CDK14: variants seen among roughly 807,000 people sequenced by gnomAD.
CDK14 encodes the protein cyclin-dependent kinase 14.
Under a neutral mutation model 60.7 loss-of-function variants are expected in CDK14, and 34 were observed. That is an observed-to-expected ratio of 0.56 (90% confidence interval 0.43 to 0.75). The LOEUF is 0.75. CDK14 is among the 30% of genes least tolerant of loss of function. CDK14 has a pLI of 0.00. For synonymous variants in CDK14, 197 were observed against 203.7 expected (o/e 0.97, Z 0.28); for missense variants, 482 against 564.1 (o/e 0.85, Z 1.47).
chr7:91,053,575 A>G lies in CDK14; in HGVS notation c.1105+7615A>G, dbSNP rs535031406. ...TCCGCCCTTTAAACCTATGCCTCCA[A>G]TAAATCATCAGCTCCAAAATCTCCT... On this transcript the variant is annotated intron_variant, in intron 11 of 14. Transcript: ENST00000380050. Among the ~76,000 whole-genome samples the G allele has an allele frequency of 5.3e-4, 80 of 152,316 alleles. 1 individual carries two copies. The highest frequency in any genetic ancestry group is 4.6e-3 in the Admixed American group (70 of 15,300).
chr7:91,159,722 C>T (rs556045236), intron 14 of CDK14, among the ~76,000 whole-genome samples: 2 of 152,248 alleles, frequency 1.3e-5, no homozygotes, highest in South Asian at 2.1e-4. Context: ...TGCATGACAA[C>T]CAAGAGTCCG....
At chr7:90,649,260 CTTTCTTTCTTTCTTTCTTT>C (rs1800539637) in intron 2 of CDK14, among the ~76,000 whole-genome samples, 1 of 42,914 alleles carries the variant, frequency 2.3e-5, no homozygotes, top group South Asian at 1.0e-3. Context: ...TTCTTTCTTT[CTTTCTTTCTTTCTTTCTTT>C]CTTTCTTTCT....
Position 90,908,557 on chromosome 7 carries a change from T to TGCTTTACACCTTGCTTTA in CDK14, c.703-9044_703-9043insGCTTTACACCTTGCTTTA, listed in dbSNP as rs1418988010. On this transcript the variant is annotated intron_variant, in intron 7 of 14. Coordinates refer to ENST00000380050, the MANE Select transcript of CDK14 (RefSeq NM_001287135.2). ...AACACCCTCCTGGGCTTTACACTCG[T>TGCTTTACACCTTGCTTTA]CACCTTGCCTCTCTCCAGTTTAAGA... is the stretch of plus-strand genomic sequence containing the variant. 7.7e-3 allele frequency among the ~76,000 whole-genome samples: 1,166 copies of TGCTTTACACCTTGCTTTA among 152,298 alleles called. 16 individuals are homozygous for TGCTTTACACCTTGCTTTA. The highest frequency in any genetic ancestry group is 0.027 in the African/African-American group (1,125 of 41,576).
chr7:90,866,583 G>A (rs1485298478), intron 6 of CDK14, among the ~76,000 whole-genome samples: 1 of 151,952 alleles, frequency 6.6e-6, no homozygotes, highest in Non-Finnish European at 1.5e-5. Flanking sequence ...AGTTTTCAAG[G>A]GCTTTTTGAG....
chr7:90,786,022 C>T (rs1805568564), intron 4 of CDK14, among the ~76,000 whole-genome samples: 1 of 152,200 alleles, frequency 6.6e-6, no homozygotes, highest in Non-Finnish European at 1.5e-5. Context: ...CTCCCCACTC[C>T]TGCCCAGTGC....
chr7:90,955,199 C>T (rs1753222069), intron 8 of CDK14, among the ~76,000 whole-genome samples: 4 of 152,078 alleles, frequency 2.6e-5, no homozygotes, highest in Admixed American at 2.6e-4. Context: ...AACACTGAAA[C>T]CACAAGAAAT....
At chr7:91,138,502 G>A (rs1429845619) in intron 14 of CDK14, among the ~76,000 whole-genome samples, 2 of 152,126 alleles carry the variant, frequency 1.3e-5, no homozygotes, top group African/African-American at 4.8e-5. Flanking sequence ...CCACTGTATT[G>A]ACATAGTGCA....
At chr7:90,868,630 A>G (rs910751608) in intron 6 of CDK14, among the ~76,000 whole-genome samples, 1 of 152,172 alleles carries the variant, frequency 6.6e-6, no homozygotes, top group Non-Finnish European at 1.5e-5. Context: ...TTCACATGAA[A>G]ACAAAACTGT....
rs369100155 is a variant in CDK14 at position 91,061,313 on chromosome 7, C to G, written c.1105+15353C>G. On this transcript the variant is annotated intron_variant, in intron 11 of 14. Coordinates refer to ENST00000380050, the MANE Select transcript of CDK14 (RefSeq NM_001287135.2). ...GTTAGCCATTCATCTAATCTTTTTT[C>G]AAGGCTTTTAACTTGTTTGCCGTGG... is the stretch of plus-strand genomic sequence containing the variant. Among the ~76,000 whole-genome samples, 27 of 152,224 alleles carry G rather than the reference C, an allele frequency of 1.8e-4. No homozygotes were observed. The East Asian group carries it at 2.5e-3, about 14-fold the overall frequency.
At chr7:90,680,651 CGTT>C (rs1207743542) in intron 2 of CDK14, among the ~76,000 whole-genome samples, 2 of 152,166 alleles carry the variant, frequency 1.3e-5, no homozygotes, top group African/African-American at 2.4e-5. Flanking sequence ...TTGCATGTCT[CGTT>C]GTCATCACAT....
At chr7:90,597,336 T>G (rs1799215571) in intron 1 of CDK14, 1 of 152,522 alleles carries the variant, frequency 6.6e-6, no homozygotes, top group African/African-American at 2.4e-5. Flanking sequence ...TCTCTCGAAC[T>G]TGTTCCATTT....
intron 12 of CDK14, among the ~76,000 whole-genome samples, chr7:91,102,257 T>G (rs2116317610): frequency 6.6e-6 from 1 of 152,312 alleles, no homozygotes; most frequent in Admixed American, 6.5e-5. Flanking sequence ...AGGTTGGTTG[T>G]TGTACTTCCA....
At chr7:91,087,217 C>G (rs544885593) in intron 12 of CDK14, among the ~76,000 whole-genome samples, 137 of 152,276 alleles carry the variant, frequency 9.0e-4, no homozygotes, top group African/African-American at 3.2e-3. Context: ...AATACTGGGG[C>G]TCAATTTCTA....
chr7:90,713,644 T>TC (rs1173423390), intron 2 of CDK14, among the ~76,000 whole-genome samples: 6 of 150,582 alleles, frequency 4.0e-5, no homozygotes, highest in Non-Finnish European at 7.4e-5. Context: ...TTTTTTTTTT[T>TC]CATCAGGAGA....
intron 10 of CDK14, among the ~76,000 whole-genome samples, chr7:91,036,397 T>C (rs1796936479): frequency 6.6e-6 from 1 of 152,202 alleles, no homozygotes; most frequent in Non-Finnish European, 1.5e-5. Flanking sequence ...GTTATCATTG[T>C]ACACAATATA....
intron 2 of CDK14, among the ~76,000 whole-genome samples, chr7:90,697,631 A>G (rs17623346): frequency 0.084 from 12,724 of 152,304 alleles, 604 homozygotes; most frequent in South Asian, 0.11. Context: ...CTATAAACCT[A>G]GAAGTAATTT....
chr7:90,814,452 G>A (rs540807565), intron 5 of CDK14, among the ~76,000 whole-genome samples: 1 of 152,032 alleles, frequency 6.6e-6, no homozygotes, highest in African/African-American at 2.4e-5. Context: ...TGTTTAGCGA[G>A]AGAAAATAAC....
intron 12 of CDK14, among the ~76,000 whole-genome samples, chr7:91,087,288 G>A (rs1798667830): frequency 6.6e-6 from 1 of 152,228 alleles, no homozygotes; most frequent in Non-Finnish European, 1.5e-5. Flanking sequence ...AACATGTTGT[G>A]TACATAGTGG....
chr7:90,665,154 G>A (rs10238982), intron 2 of CDK14, among the ~76,000 whole-genome samples: 46,205 of 151,264 alleles, frequency 0.31, 7,920 homozygotes, highest in East Asian at 0.67. Context: ...GCATAGTGGC[G>A]GGCGCCTGTA....
Sources: gnomAD v4.1 joint callset for allele counts (sites outside exome capture counted in the v4.1 genomes callset) on GRCh38, gnomAD v4.1.1 for gene constraint, MANE v1.5 for transcripts, NCBI Gene and HGNC (gene_info 2026-07-23, HGNC 2026-07-21) for gene names.